The following CGNL1 variants were observed in gnomAD, a reference collection of about 807,000 sequenced individuals.
The protein encoded by CGNL1 is cingulin like 1.
A neutral mutation model predicts 141.2 loss-of-function variants in CGNL1; 132 were observed. The observed-to-expected ratio is 0.93, with a 90% CI of 0.81 to 1.08. The LOEUF (loss-of-function observed/expected upper bound fraction) is 1.08, where lower values mean the gene tolerates loss of function less well. Among genes scored for constraint, CGNL1 ranks in the 50% least tolerant of loss-of-function variants. CGNL1 has a pLI of 0.00. For missense variants in CGNL1, 1,870 were observed against 1,588.6 expected, an observed-to-expected ratio of 1.18 and a Z score of -3.01; for synonymous variants, 690 against 622.1, an observed-to-expected ratio of 1.11 and a Z score of -1.63.
chr15:57,474,517 C>T (rs1031643242), intron 8 of CGNL1, among the ~76,000 whole-genome samples: 4 of 152,006 alleles, frequency 2.6e-5, no homozygotes, highest in Non-Finnish European at 4.4e-5. Context: ...GCAGAATGCC[C>T]TGTATTTGCT....
chr15:57,477,192 A>G (rs555596110), intron 8 of CGNL1, among the ~76,000 whole-genome samples: 2 of 152,298 alleles, frequency 1.3e-5, no homozygotes, highest in African/African-American at 4.8e-5. Context: ...CAAAGAAGTC[A>G]AGCAAATAAA....
At chr15:57,450,086 C>A (rs1236558410) in intron 4 of CGNL1, among the ~76,000 whole-genome samples, 1 of 152,184 alleles carries the variant, frequency 6.6e-6, no homozygotes, top group African/African-American at 2.4e-5. Flanking sequence ...AGGGCAGCTT[C>A]TGGGTTGTAT....
intron 7 of CGNL1, 27 bp from the exon 8 acceptor site, chr15:57,461,653 T>G: frequency 6.3e-7 from 1 of 1,595,732 alleles, no homozygotes; most frequent in Non-Finnish European, 8.6e-7. Context: ...CATTGTCACC[T>G]TCTCCCTTCG....
chr15:57,398,028 G>T (rs1433006000), intron 1 of CGNL1, among the ~76,000 whole-genome samples: 5 of 152,136 alleles, frequency 3.3e-5, no homozygotes, highest in Non-Finnish European at 7.4e-5. Context: ...AGATGCGCCT[G>T]CCTCAGCTTC....
intron 8 of CGNL1, among the ~76,000 whole-genome samples, chr15:57,466,143 A>T (rs545303941): frequency 5.3e-5 from 8 of 152,196 alleles, no homozygotes; most frequent in Non-Finnish European, 1.2e-4. Flanking sequence ...CTGTTAGGAG[A>T]GTATATCTAC....
Position 57,390,367 on chromosome 15 carries a change from C to T in CGNL1, c.-16+13800C>T, listed in dbSNP as rs571588051. On this transcript the variant is annotated intron_variant, in intron 1 of 18. Transcript: ENST00000281282. ...AGGCAAGCAGAAATGCTGGAAGCCT[C>T]TTAAAGCTTTGGTCTATAAGCAGCC... Among the ~76,000 whole-genome samples, 3 of 152,358 alleles carry T rather than the reference C, an allele frequency of 2.0e-5. No homozygotes were observed. In the South Asian group the frequency reaches 6.2e-4, roughly 32 times the overall value.
Position 57,438,062 on chromosome 15 carries a change from C to G in CGNL1, c.63C>G (p.Leu21=), listed in dbSNP as rs749013050. ...AGGAATATGGGGTCCATCTGAGACTCGCAAGTGATGATACCCAAAAATCAA... is the reference window on the plus strand; with the variant it reads ...AGGAATATGGGGTCCATCTGAGACTGGCAAGTGATGATACCCAAAAATCAA... ...VQQEYGVHLR[L]ASDDTQKSRS... is the part of the protein sequence containing the mutation. The change falls in exon 2 of 19, where the codon CTC becomes CTG. Residue 21 remains leucine, a synonymous_variant. Coordinates refer to ENST00000281282, the MANE Select transcript of CGNL1 (RefSeq NM_032866.5). 2.5e-6 allele frequency: 4 copies of G among 1,613,872 alleles called. No homozygotes were observed. Among genetic ancestry groups the G allele is most frequent in the South Asian group, 1.1e-5 (1 of 91,082 alleles).
chr15:57,439,540 C>T lies in CGNL1; in HGVS notation c.1541C>T (p.Ser514Leu), dbSNP rs375194804. ...LMLQNRATAT[S>L]PDSGAKKISV... ...TTACAGAACCGGGCAACAGCAACTT[C>T]GCCTGATTCTGGTGCCAAGAAAATT... The change falls in exon 2 of 19, where the codon TCG becomes TTG. Residue 514 changes from serine (S) to leucine (L), a missense_variant. Coordinates refer to ENST00000281282, the MANE Select transcript of CGNL1 (RefSeq NM_032866.5). The T allele has an allele frequency of 6.8e-6, 11 of 1,614,172 alleles. No homozygotes were observed. The highest frequency in any genetic ancestry group is 1.1e-5 in the South Asian group (1 of 91,080).
intron 8 of CGNL1, among the ~76,000 whole-genome samples, chr15:57,495,335 A>T (rs1280369): frequency 0.083 from 12,565 of 152,154 alleles, 655 homozygotes; most frequent in Non-Finnish European, 0.11. Flanking sequence ...GGATTGTAAG[A>T]TGCAGTGACT....
At chr15:57,501,489 T>C (rs2064023675) in intron 8 of CGNL1, among the ~76,000 whole-genome samples, 1 of 152,160 alleles carries the variant, frequency 6.6e-6, no homozygotes, top group African/African-American at 2.4e-5. Context: ...GCAACTTACC[T>C]GCGGCAATGT....
intron 1 of CGNL1, among the ~76,000 whole-genome samples, chr15:57,420,165 AGT>A (rs766219702): frequency 1.3e-5 from 2 of 152,118 alleles, no homozygotes; most frequent in Non-Finnish European, 2.9e-5. Flanking sequence ...TTCCTGCCCT[AGT>A]CTTAGAAGAA....
chr15:57,481,859 C>T lies in CGNL1; in HGVS notation c.2403+19967C>T, dbSNP rs565981396. Reference sequence around the variant, plus strand: ...GCAAAACTACTCTCCAGAATGGCTGCACCATTTTGCATTCCCAACAGCAAT... The same window carrying T: ...GCAAAACTACTCTCCAGAATGGCTGTACCATTTTGCATTCCCAACAGCAAT... On this transcript the variant is annotated intron_variant, in intron 8 of 18. Coordinates refer to ENST00000281282, the MANE Select transcript of CGNL1 (RefSeq NM_032866.5). Among the ~76,000 whole-genome samples, 6 of 152,284 alleles carry T rather than the reference C, an allele frequency of 3.9e-5. No individual in the cohort carries two copies. The East Asian group carries it at 1.2e-3, about 29-fold the overall frequency.
intron 10 of CGNL1, among the ~76,000 whole-genome samples, chr15:57,519,800 A>G (rs1399010176): frequency 6.6e-6 from 1 of 152,174 alleles, no homozygotes; most frequent in Non-Finnish European, 1.5e-5. Flanking sequence ...CTCTATAGGG[A>G]TAAACATCTC....
In CGNL1 at chr15:57,439,466, A is replaced by T; in HGVS notation, c.1467A>T (p.Ala489=). ...TGATCCGTGCGCCCTCCCTTGGTGC[A>T]CAGAGTAAAAAGGAGGAGGAGGTGA... is the stretch of plus-strand genomic sequence containing the variant. ...STVIRAPSLG[A]QSKKEEEVKT... The change falls in exon 2 of 19, where the codon GCA becomes GCT. Residue 489 remains alanine (A), a synonymous_variant. Transcript: ENST00000281282. 1 of 1,614,230 alleles carries T rather than the reference A, an allele frequency of 6.2e-7. No homozygotes were observed. The highest frequency in any genetic ancestry group is 1.1e-5 in the South Asian group (1 of 91,086).
Position 57,477,232 on chromosome 15 carries a change from GAT to G in CGNL1, c.2403+15342_2403+15343del, listed in dbSNP as rs758548563. Reference sequence around the variant, plus strand: ...AGAGTCCAGAGAAGGTGGCATTAGAGATAGATCTGAAAGCATTCAGGGAGACG... The same window carrying G: ...AGAGTCCAGAGAAGGTGGCATTAGAGAGATCTGAAAGCATTCAGGGAGACG... On this transcript the variant is annotated intron_variant, in intron 8 of 18. Transcript: ENST00000281282. Among the ~76,000 whole-genome samples the G allele has an allele frequency of 9.7e-4, 148 of 152,296 alleles. 1 individual carries two copies. Among genetic ancestry groups the G allele is most frequent in the Middle Eastern group, 3.4e-3 (1 of 294 alleles).
In CGNL1 at chr15:57,545,617, A is replaced by T; in HGVS notation, c.3526A>T (p.Asn1176Tyr). ...GGATCGGGCCAATCTTCAGCTCAGC[A>T]ACCGGCGGCTGGAGCGGAAAGTGAA... is the stretch of plus-strand genomic sequence containing the variant. ...ERDRANLQLS[N>Y]RRLERKVKEL... Residue 1176 changes from asparagine (N) to tyrosine (Y), a missense_variant, in exon 17 of 19, where the codon AAC (asparagine) becomes TAC (tyrosine). Physicochemically the swap from Asn to Tyr is moderately radical, Grantham distance 143 (BLOSUM62 -2). Transcript: ENST00000281282. The T allele has an allele frequency of 6.2e-7, 1 of 1,613,692 alleles. No individual in the cohort carries two copies. Among genetic ancestry groups the T allele is most frequent in the East Asian group, 2.2e-5 (1 of 44,886 alleles).
chr15:57,471,852 G>A (rs1348742459), intron 8 of CGNL1, among the ~76,000 whole-genome samples: 1 of 152,232 alleles, frequency 6.6e-6, no homozygotes, highest in East Asian at 1.9e-4. Flanking sequence ...AATATCTAAG[G>A]AGCATTTTAT....
intron 1 of CGNL1, among the ~76,000 whole-genome samples, chr15:57,415,953 C>T (rs1338544931): frequency 1.1e-4 from 16 of 152,146 alleles, no homozygotes; most frequent in African/African-American, 3.1e-4. Context: ...TTCCCTTTGC[C>T]GGCCGTGGGA....
chr15:57,446,402 C>T (rs922339227), intron 4 of CGNL1, among the ~76,000 whole-genome samples: 3 of 152,100 alleles, frequency 2.0e-5, no homozygotes, highest in Non-Finnish European at 2.9e-5. Flanking sequence ...GTGATCATAT[C>T]GTGACTTCTA....
Sources: allele counts gnomAD v4.1 joint callset (sites outside exome capture counted in the v4.1 genomes callset), GRCh38; gene constraint gnomAD v4.1.1; transcripts MANE v1.5; gene names NCBI Gene and HGNC (gene_info 2026-07-23, HGNC 2026-07-21).